CACNA1D: variants seen among roughly 807,000 people sequenced by gnomAD.
CACNA1D encodes the protein calcium voltage-gated channel subunit alpha1 D, also known as voltage-dependent L-type calcium channel subunit alpha-1D.
A neutral mutation model predicts 257.1 loss-of-function variants in CACNA1D; 55 were observed. The observed-to-expected ratio is 0.21, with a 90% CI of 0.17 to 0.27. The LOEUF (loss-of-function observed/expected upper bound fraction) is 0.27, where lower values mean the gene tolerates loss of function less well. CACNA1D is among the 10% of genes least tolerant of loss of function. CACNA1D has a pLI of 1.00. For synonymous variants in CACNA1D, 980 were observed against 1,014.9 expected (o/e 0.97, Z 0.65); for missense variants, 1,876 against 2,784.0 (o/e 0.67, Z 7.34).
At chr3:53,556,692 C>T (rs568549618) in intron 3 of CACNA1D, among the ~76,000 whole-genome samples, 35 of 150,912 alleles carry the variant, frequency 2.3e-4, no homozygotes, top group Non-Finnish European at 4.3e-4. Context: ...GCTTGTCTTT[C>T]TATTATCTCT....
In CACNA1D at chr3:53,608,031, A is replaced by G. The variant is rs533181900; in HGVS notation, c.484-42748A>G. ...TAATAATTGGCTTGTCAATTTCTAT[A>G]AAAATAGCCCTGTTTAGATTTTGAT... is the stretch of plus-strand genomic sequence containing the variant. On this transcript the variant is annotated intron_variant, in intron 3 of 47. Coordinates refer to ENST00000350061, the MANE Select transcript of CACNA1D (RefSeq NM_001128840.3). Among the ~76,000 whole-genome samples the G allele has an allele frequency of 3.3e-5, 5 of 152,276 alleles. No individual in the cohort carries two copies. The East Asian group carries it at 9.6e-4, about 29-fold the overall frequency.
intron 3 of CACNA1D, among the ~76,000 whole-genome samples, chr3:53,602,951 C>T (rs1271375176): frequency 6.6e-5 from 10 of 152,200 alleles, no homozygotes; most frequent in Non-Finnish European, 1.2e-4. Flanking sequence ...TGCAGCTTTG[C>T]TGAGCTATTT....
chr3:53,579,453 A>G (rs969281141), intron 3 of CACNA1D, among the ~76,000 whole-genome samples: 2 of 152,226 alleles, frequency 1.3e-5, no homozygotes, highest in African/African-American at 4.8e-5. Flanking sequence ...TGCCTCATAT[A>G]TGACATCTGA....
At chr3:53,555,253 T>C (rs1009394638) in intron 3 of CACNA1D, among the ~76,000 whole-genome samples, 2 of 152,180 alleles carry the variant, frequency 1.3e-5, no homozygotes, top group African/African-American at 4.8e-5. Context: ...TCCAGCTATG[T>C]TTTTTATGGC....
intron 8 of CACNA1D, chr3:53,679,766 C>T (rs1458155589): frequency 2.6e-5 from 4 of 152,204 alleles, no homozygotes; most frequent in African/African-American, 9.7e-5. Flanking sequence ...GAGGCTAATA[C>T]GTGAAAGATT....
In CACNA1D at chr3:53,682,365, T is replaced by TAAAAAAAAAAAAAAAAAAAAA. The variant is rs3082718; in HGVS notation, c.1220+9250_1220+9270dup. ...CGACATAGCGAGGCTTTGTCTCTGG[T>TAAAAAAAAAAAAAAAAAAAAA]AAAAAAAAAAAAAAAAAAAAAAAAA... On this transcript the variant is annotated intron_variant, in intron 8 of 47. Coordinates refer to ENST00000350061, the MANE Select transcript of CACNA1D (RefSeq NM_001128840.3). Among the ~76,000 whole-genome samples, 37 of 47,362 alleles carry TAAAAAAAAAAAAAAAAAAAAA rather than the reference T, an allele frequency of 7.8e-4. 1 individual carries two copies. Among genetic ancestry groups the TAAAAAAAAAAAAAAAAAAAAA allele is most frequent in the Middle Eastern group, 0.016 (1 of 64 alleles). 31.1% of individuals were successfully genotyped at this position (47,362 alleles called of 152,430 possible).
At chr3:53,545,182 C>G (rs2092385304) in intron 3 of CACNA1D, among the ~76,000 whole-genome samples, 1 of 152,018 alleles carries the variant, frequency 6.6e-6, no homozygotes, top group South Asian at 2.1e-4. Flanking sequence ...CAAATTCTGC[C>G]CATGACTATA....
At chr3:53,701,766 T>C (rs1002368041) in intron 8 of CACNA1D, among the ~76,000 whole-genome samples, 1 of 152,240 alleles carries the variant, frequency 6.6e-6, no homozygotes, top group Non-Finnish European at 1.5e-5. Flanking sequence ...CAGGCTTGCC[T>C]GAGTATGTGG....
At chr3:53,690,017 C>T (rs1442101811) in intron 8 of CACNA1D, among the ~76,000 whole-genome samples, 1 of 152,062 alleles carries the variant, frequency 6.6e-6, no homozygotes, top group African/African-American at 2.4e-5. Context: ...TTAATCATCT[C>T]CACTACTTTG....
chr3:53,808,975 G>A, intron 46 of CACNA1D: 1 of 607,984 alleles, frequency 1.6e-6, no homozygotes, highest in Non-Finnish European at 2.8e-6. Context: ...GTGACTGCTG[G>A]CATTTGAATC....
rs2094638707 is a variant in CACNA1D at position 53,702,659 on chromosome 3, A to G, written c.1239A>G (p.Arg413=). The change falls in exon 9 of 48, where the codon AGA becomes AGG. Residue 413 remains arginine (R), a synonymous_variant. Transcript: ENST00000350061. The stretch of plus-strand genomic sequence containing the variant: ...CCTTCAGAGAATTCTCAAAGGAAAG[A>G]GAGAAGGCAAAAGCACGGGGAGATT... ...GVLSGEFSKE[R]EKAKARGDFQ... 1 of 1,614,066 alleles carries G rather than the reference A, an allele frequency of 6.2e-7. No individual in the cohort carries two copies. The highest frequency in any genetic ancestry group is 8.5e-7 in the Non-Finnish European group (1 of 1,180,042).
intron 4 of CACNA1D, among the ~76,000 whole-genome samples, chr3:53,659,731 T>C (rs1245040417): frequency 6.6e-6 from 1 of 152,246 alleles, no homozygotes; most frequent in African/African-American, 2.4e-5. Flanking sequence ...TGCTGCTGCA[T>C]AACATTTTGT....
At chr3:53,767,256 A>G (rs923273613) in intron 30 of CACNA1D, among the ~76,000 whole-genome samples, 2 of 152,146 alleles carry the variant, frequency 1.3e-5, no homozygotes, top group African/African-American at 4.8e-5. Flanking sequence ...TGAATCACCA[A>G]GGAGCTTTTA....
intron 3 of CACNA1D, among the ~76,000 whole-genome samples, chr3:53,515,456 T>C (rs2091295336): frequency 6.6e-6 from 1 of 152,190 alleles, no homozygotes; most frequent in Non-Finnish European, 1.5e-5. Flanking sequence ...TAGGGTCTGA[T>C]TTTTATCCTC....
intron 37 of CACNA1D, 64 bp from the exon 38 acceptor site, chr3:53,779,962 C>G: frequency 8.0e-6 from 9 of 1,126,556 alleles, no homozygotes; most frequent in Non-Finnish European, 1.2e-5. Flanking sequence ...AATAAACATC[C>G]AAAAGGATAT....
At chr3:53,499,459 A>G (rs1010474584) in intron 2 of CACNA1D, among the ~76,000 whole-genome samples, 1 of 152,092 alleles carries the variant, frequency 6.6e-6, no homozygotes, top group Non-Finnish European at 1.5e-5. Context: ...ACAGACAGGC[A>G]TGACAGAGTG....
Position 53,800,813 on chromosome 3 carries a change from C to T in CACNA1D, c.5041-245C>T, listed in dbSNP as rs1039537272. On this transcript the variant is annotated intron_variant, in intron 41 of 47. Transcript: ENST00000350061. This position sits in a 1 kb window ranked among gnomAD's most constrained non-coding sequence, Gnocchi z 4.3. Reference sequence around the variant, plus strand: ...CCCCAACTTGGAGCAACTGGAAGAGCACACTCGAGTGACAGCCGACAGCTT... The same window carrying T: ...CCCCAACTTGGAGCAACTGGAAGAGTACACTCGAGTGACAGCCGACAGCTT... The T allele has an allele frequency of 1.5e-5, 9 of 588,166 alleles. No individual in the cohort carries two copies. The African/African-American group carries it at 1.7e-4, about 11-fold the overall frequency. 36.4% of individuals were successfully genotyped at this position (588,166 alleles called of 1,614,324 possible).
At chr3:53,540,991 C>T (rs2092282684) in intron 3 of CACNA1D, among the ~76,000 whole-genome samples, 1 of 152,168 alleles carries the variant, frequency 6.6e-6, no homozygotes, top group Admixed American at 6.5e-5. Flanking sequence ...ATCCATTTGC[C>T]TCGGCCTCCC....
chr3:53,673,205 G>T lies in CACNA1D; in HGVS notation c.1220+79G>T, dbSNP rs539903581. The T allele has an allele frequency of 9.3e-5, 86 of 926,256 alleles. No homozygotes were observed. The Admixed American group carries it at 1.8e-3, about 19-fold the overall frequency. 57.4% of individuals were successfully genotyped at this position (926,256 alleles called of 1,614,324 possible). On this transcript the variant is annotated intron_variant, in intron 8 of 47. Transcript: ENST00000350061. This position sits in a 1 kb window ranked among gnomAD's most constrained non-coding sequence, Gnocchi z 4.1. ...ACCACACAAGCTTTGCTGGATGAGG[G>T]CCGCCAAGAGGGGTTGCCAGACATT...
Sources: gnomAD v4.1 joint callset for allele counts (sites outside exome capture counted in the v4.1 genomes callset) on GRCh38, gnomAD v4.1.1 for gene constraint, Gnocchi (gnomAD v3.1) non-coding constraint, MANE v1.5 for transcripts, NCBI Gene and HGNC (gene_info 2026-07-23, HGNC 2026-07-21) for gene names.